Variants in PLXND1 observed in about 807,000 individuals in gnomAD.
PLXND1 encodes the protein plexin-D1.
A neutral mutation model predicts 197.7 loss-of-function variants in PLXND1; 54 were observed. That is an observed-to-expected ratio of 0.27 (90% CI 0.22 to 0.34). The LOEUF (loss-of-function observed/expected upper bound fraction) is 0.34, where lower values mean the gene tolerates loss of function less well. Ranked by LOEUF, PLXND1 falls within the 10% of genes least tolerant of loss-of-function variation. The pLI, the probability that PLXND1 is intolerant of heterozygous loss-of-function variation, is 1.00. For synonymous variants in PLXND1, 1,180 were observed against 1,161.2 expected, an observed-to-expected ratio of 1.02 and a Z score of -0.33; for missense variants, 2,127 against 2,699.2, an observed-to-expected ratio of 0.79 and a Z score of 4.70.
Position 129,605,865 on chromosome 3 carries a change from G to A in PLXND1, c.775C>T (p.Pro259Ser). The A allele has an allele frequency of 6.2e-7, 1 of 1,613,662 alleles. No homozygotes were observed. The highest frequency in any genetic ancestry group is 8.5e-7 in the Non-Finnish European group (1 of 1,179,898). Residue 259 changes from proline to serine, a missense_variant, in exon 1 of 36, where the codon CCC becomes TCC. By Grantham distance (74) the Pro-to-Ser change is moderately conservative. Transcript: ENST00000324093. ...LAKLFTFDLN[P>S]SDDNILKIKQ... ...ATCTTGAGGATGTTGTCGTCGGAGG[G>A]GTTGAGGTCGAAGGTGAAGAGCTTG...
intron 8 of PLXND1, among the ~76,000 whole-genome samples, 165 bp downstream of exon 8, chr3:129,583,402 T>C (rs931245977): frequency 4.6e-5 from 7 of 152,158 alleles, no homozygotes; most frequent in African/African-American, 9.7e-5. Context: ...TGTCCAACTA[T>C]AGGGCATGGG....
intron 8 of PLXND1, among the ~76,000 whole-genome samples, chr3:129,580,438 T>C (rs2811465): frequency 0.27 from 40,594 of 151,960 alleles, 5,746 homozygotes; most frequent in East Asian, 0.49. Context: ...ATGGAATCCA[T>C]GTTTCCACTC....
chr3:129,578,503 C>A (rs866546076), intron 8 of PLXND1, 70 bp from the exon 9 acceptor site: 2 of 901,048 alleles, frequency 2.2e-6, no homozygotes, highest in South Asian at 3.2e-5. Flanking sequence ...ACTCACTGCA[C>A]CCCAGCCTGC....
intron 1 of PLXND1, among the ~76,000 whole-genome samples, chr3:129,603,238 C>G (rs945189708): frequency 6.6e-6 from 1 of 152,194 alleles, no homozygotes; most frequent in African/African-American, 2.4e-5. Flanking sequence ...AGAGGCCCTT[C>G]GCCACTCTGT....
rs567824396 is a variant in PLXND1 at position 129,577,788 on chromosome 3, A to G, written c.2346+541T>C. 2.0e-5 allele frequency among the ~76,000 whole-genome samples: 3 copies of G among 152,354 alleles called. No homozygotes were observed. The South Asian group carries it at 6.2e-4, about 32-fold the overall frequency. ...AAGACGAGCACTGGTTGGGGAGTCC[A>G]GAGCTAAGCACAAGTCCAGCCCTGT... On this transcript the variant is annotated intron_variant, in intron 9 of 35. Transcript: ENST00000324093. This position sits in a 1 kb window ranked among gnomAD's most constrained non-coding sequence, Gnocchi z 5.0.
chr3:129,586,216 C>T lies in PLXND1; in HGVS notation c.1677G>A (p.Val559=). The T allele has an allele frequency of 8.1e-6, 13 of 1,602,754 alleles. No homozygotes were observed. Among genetic ancestry groups the T allele is most frequent in the Non-Finnish European group, 1.1e-5 (13 of 1,178,156 alleles). The change falls in exon 4 of 36, where the codon GTG becomes GTA. Residue 559 remains valine, a synonymous_variant. Coordinates refer to ENST00000324093, the MANE Select transcript of PLXND1 (RefSeq NM_015103.3). ...CNVHSTCGDC[V]GAADAYCGWC... is the part of the protein sequence containing the mutation. ...AGCCGCAGTAGGCGTCCGCCGCACC[C>T]ACGCAGTCCCCACAGGTGGAGTGCA...
intron 17 of PLXND1, 92 bp from the exon 18 acceptor site, chr3:129,571,395 G>A (rs2085225602): frequency 6.5e-7 from 1 of 1,530,094 alleles, no homozygotes; most frequent in Admixed American, 1.8e-5. Flanking sequence ...AGGAGACACA[G>A]AGGCAGAGGG....
chr3:129,559,072 G>GC (rs1275816616), intron 32 of PLXND1: 1 of 158,976 alleles, frequency 6.3e-6, no homozygotes, highest in African/African-American at 2.4e-5. Flanking sequence ...TACCCCCAGA[G>GC]CTCTAGGAAG....
intron 22 of PLXND1, 32 bp downstream of exon 22, chr3:129,567,460 C>G: frequency 7.5e-7 from 1 of 1,333,746 alleles, no homozygotes; most frequent in Non-Finnish European, 1.1e-6. Flanking sequence ...GTGGCTGGCA[C>G]AGGTTCAGGG....
At chr3:129,581,987 A>G (rs1049236299) in intron 8 of PLXND1, among the ~76,000 whole-genome samples, 4 of 152,234 alleles carry the variant, frequency 2.6e-5, no homozygotes, top group Admixed American at 1.3e-4. Flanking sequence ...GGGTCCCCAG[A>G]CAGGAGCAGG....
chr3:129,562,837 CAGA>C lies in PLXND1; in HGVS notation c.4772_4774del (p.Phe1591del). The C allele has an allele frequency of 6.2e-7, 1 of 1,611,626 alleles. No individual in the cohort carries two copies. The highest frequency in any genetic ancestry group is 8.5e-7 in the Non-Finnish European group (1 of 1,177,960). The stretch of plus-strand genomic sequence containing the variant: ...CCACTGGGAGTAGGGCACATTCTTG[CAGA>C]AGGCCTCCAGGATCTTCTCCTTGAC... On this transcript the variant is annotated inframe_deletion, in exon 27 of 36. Transcript: ENST00000324093.
intron 32 of PLXND1, 102 bp downstream of exon 32, chr3:129,559,518 G>T: frequency 1.1e-6 from 1 of 886,736 alleles, no homozygotes; most frequent in Non-Finnish European, 1.7e-6. Context: ...GCAGAGGAGG[G>T]CTTGACCCCA....
In PLXND1 at chr3:129,605,455, G is replaced by A. The variant is rs1357422500; in HGVS notation, c.1185C>T (p.Asp395=). Residue 395 remains aspartate (D), a synonymous_variant, in exon 1 of 36, where the codon GAC becomes GAT. Transcript: ENST00000324093. ...PAALCAFRFA[D]VRAAIRAART... is the part of the protein sequence containing the mutation. ...GCGCAGCTCGGATGGCGGCTCGCAC[G>A]TCGGCGAAGCGGAAGGCGCAGAGTG... 6.7e-7 allele frequency: 1 copy of A among 1,501,634 alleles called. No individual in the cohort carries two copies. 93.0% of individuals were successfully genotyped at this position (1,501,634 alleles called of 1,614,324 possible).
At chr3:129,590,543 G>A (rs2085525348) in intron 1 of PLXND1, among the ~76,000 whole-genome samples, 1 of 152,178 alleles carries the variant, frequency 6.6e-6, no homozygotes, top group African/African-American at 2.4e-5. Context: ...TCATCCAGGA[G>A]AGCAGCCCCC....
rs2085004422 is a variant in PLXND1 at position 129,558,350 on chromosome 3, A to G, written c.5445+78T>C. ...AAGATCTCTGAGCTCAGCCTCAGAG[A>G]GTCGAGGAGGCTACCCATGGTCGGC... On this transcript the variant is annotated intron_variant, in intron 33 of 35. Transcript: ENST00000324093. The surrounding 1 kb of genome is among the most constrained non-coding windows in gnomAD (Gnocchi z 4.1). The G allele has an allele frequency of 7.3e-7, 1 of 1,363,638 alleles. No homozygotes were observed. The highest frequency in any genetic ancestry group is 1.0e-6 in the Non-Finnish European group (1 of 983,678). The allele number at this position is 1,363,638 out of a possible 1,614,324, so 84.5% of individuals were successfully genotyped here.
At position 129,586,568 on chromosome 3, in the gene PLXND1, G is replaced by C; in HGVS notation, c.1620+20C>G. The C allele has an allele frequency of 6.4e-7, 1 of 1,561,162 alleles. No homozygotes were observed. Among genetic ancestry groups the C allele is most frequent in the Non-Finnish European group, 8.7e-7 (1 of 1,151,806 alleles). On this transcript the variant is annotated intron_variant, in intron 3 of 35. Coordinates refer to ENST00000324093, the MANE Select transcript of PLXND1 (RefSeq NM_015103.3). ...CTCGGCTGGTGCTGGGATGGCGTTGGGCTGGGGCTCTGGCCTCACCTGGTG... is the reference window on the plus strand; with the variant it reads ...CTCGGCTGGTGCTGGGATGGCGTTGCGCTGGGGCTCTGGCCTCACCTGGTG...
chr3:129,561,733 G>A (rs776371532), intron 28 of PLXND1, 24 bp from the exon 29 acceptor site: 1 of 1,543,682 alleles, frequency 6.5e-7, no homozygotes, highest in East Asian at 2.4e-5. Flanking sequence ...AGAGGCCGAG[G>A]TCAGAGGCCG....
chr3:129,579,503 G>A (rs1350836414), intron 8 of PLXND1, among the ~76,000 whole-genome samples: 1 of 152,154 alleles, frequency 6.6e-6, no homozygotes, highest in Non-Finnish European at 1.5e-5. Flanking sequence ...GCTCTGAGCT[G>A]GGAGGTATGG....
At position 129,558,162 on chromosome 3, in the gene PLXND1, C is replaced by T. The variant is rs2085001649; in HGVS notation, c.5445+266G>A. ...GCTTTCCCACACCGGGTTCTCAGGC[C>T]TGTGTTCAAAGCCAGTGCCAGGCAC... On this transcript the variant is annotated intron_variant, in intron 33 of 35. Coordinates refer to ENST00000324093, the MANE Select transcript of PLXND1 (RefSeq NM_015103.3). This position sits in a 1 kb window ranked among gnomAD's most constrained non-coding sequence, Gnocchi z 4.1. Among the ~76,000 whole-genome samples the T allele has an allele frequency of 6.6e-6, 1 of 152,228 alleles. No homozygotes were observed. Among genetic ancestry groups the T allele is most frequent in the East Asian group, 1.9e-4 (1 of 5,202 alleles).
Sources: gnomAD v4.1 joint callset for allele counts (sites outside exome capture counted in the v4.1 genomes callset) on GRCh38, gnomAD v4.1.1 for gene constraint, Gnocchi (gnomAD v3.1) non-coding constraint, MANE v1.5 for transcripts, NCBI Gene and HGNC (gene_info 2026-07-23, HGNC 2026-07-21) for gene names.